The following DOCK4 variants were observed in gnomAD, a reference collection of about 807,000 sequenced individuals.
The protein encoded by DOCK4 is dedicator of cytokinesis protein 4.
DOCK4 carries 97 observed loss-of-function variants against 268.1 expected under a neutral mutation model. The ratio of observed to expected loss-of-function variants is 0.36; its 90% CI spans 0.31 to 0.43. The LOEUF (loss-of-function observed/expected upper bound fraction) is 0.43, where lower values mean the gene tolerates loss of function less well. Among genes scored for constraint, DOCK4 ranks in the 20% least tolerant of loss-of-function variants. The probability of loss-of-function intolerance (pLI) is 1.00; values close to 1 mark genes in which losing one functional copy is unlikely to be tolerated. For synonymous variants in DOCK4, 954 were observed against 887.2 expected (o/e 1.08, Z -1.34); for missense variants, 2,145 against 2,455.7 (o/e 0.87, Z 2.67).
At chr7:111,875,991 AAAT>A (rs1256626724) in intron 17 of DOCK4, among the ~76,000 whole-genome samples, 1 of 152,166 alleles carries the variant, frequency 6.6e-6, no homozygotes, top group Admixed American at 6.5e-5. Flanking sequence ...GAATAAATAA[AAAT>A]TTCTGTTTAA....
chr7:111,809,173 C>G, intron 29 of DOCK4, 128 bp downstream of exon 29: 1 of 789,238 alleles, frequency 1.3e-6, no homozygotes, highest in Non-Finnish European at 2.0e-6. Context: ...AAGACTGCTT[C>G]TTGACCCCTT....
intron 8 of DOCK4, among the ~76,000 whole-genome samples, chr7:111,972,940 AC>A (rs924144482): frequency 9.3e-5 from 14 of 149,952 alleles, no homozygotes; most frequent in Admixed American, 6.0e-4. Context: ...ATCTCTAATC[AC>A]CCTCCCACCC....
intron 22 of DOCK4, among the ~76,000 whole-genome samples, chr7:111,865,827 G>A (rs1334501718): frequency 6.6e-6 from 1 of 152,212 alleles, no homozygotes; most frequent in Non-Finnish European, 1.5e-5. Context: ...GCAGCCATGT[G>A]CCAAGGACTG....
At chr7:111,943,410 G>A (rs1373195680) in intron 10 of DOCK4, among the ~76,000 whole-genome samples, 1 of 152,132 alleles carries the variant, frequency 6.6e-6, no homozygotes, top group Non-Finnish European at 1.5e-5. Flanking sequence ...TAGATATCTT[G>A]GAGAAAGTTC....
chr7:111,794,313 G>A (rs924541958), intron 30 of DOCK4, among the ~76,000 whole-genome samples: 2 of 152,192 alleles, frequency 1.3e-5, no homozygotes, highest in Non-Finnish European at 2.9e-5. Flanking sequence ...TCTAGCAGGT[G>A]TCAAAGAGCC....
In DOCK4 at chr7:111,901,649, G is replaced by A. The variant is rs774044772; in HGVS notation, c.1317+28C>T. 3.7e-6 allele frequency: 6 copies of A among 1,609,798 alleles called. No homozygotes were observed. In the South Asian group the frequency reaches 6.6e-5, roughly 18 times the overall value. On this transcript the variant is annotated intron_variant, in intron 14 of 52. Transcript: ENST00000428084. ...TGAAAGCAATTATACAGACTTGTTT[G>A]ACCTGGAAATATCAAGTATTAACAT...
At chr7:112,103,931 A>G (rs2135825597) in intron 1 of DOCK4, among the ~76,000 whole-genome samples, 1 of 152,256 alleles carries the variant, frequency 6.6e-6, no homozygotes, top group South Asian at 2.1e-4. Context: ...CTTTAATAAG[A>G]ATAATCCTCA....
At chr7:111,889,958 G>C (rs1482332670) in intron 16 of DOCK4, among the ~76,000 whole-genome samples, 1 of 152,186 alleles carries the variant, frequency 6.6e-6, no homozygotes, top group African/African-American at 2.4e-5. Context: ...ACAATCAACA[G>C]TGATGAATTT....
intron 1 of DOCK4, among the ~76,000 whole-genome samples, chr7:112,153,394 G>A (rs1816286275): frequency 6.6e-6 from 1 of 152,128 alleles, no homozygotes; most frequent in Non-Finnish European, 1.5e-5. Context: ...ATTAAATTTA[G>A]TTCCATGTCC....
At chr7:111,873,129 A>T (rs1193042924) in intron 17 of DOCK4, among the ~76,000 whole-genome samples, 2 of 152,224 alleles carry the variant, frequency 1.3e-5, no homozygotes, top group Admixed American at 6.5e-5. Flanking sequence ...TAGATCATCC[A>T]GGGAGCTCTC....
intron 8 of DOCK4, among the ~76,000 whole-genome samples, chr7:111,948,020 G>A (rs1303642057): frequency 6.6e-6 from 1 of 152,118 alleles, no homozygotes; most frequent in African/African-American, 2.4e-5. Context: ...GGGCTACCAG[G>A]CCTGGACTAT....
At chr7:112,140,877 C>G (rs755934312) in intron 1 of DOCK4, among the ~76,000 whole-genome samples, 17 of 152,176 alleles carry the variant, frequency 1.1e-4, no homozygotes, top group Non-Finnish European at 1.5e-4. Flanking sequence ...GTTTTCAGAA[C>G]CTGCATTCAC....
Position 111,935,533 on chromosome 7 carries a change from C to T in DOCK4, c.1066+7G>A, listed in dbSNP as rs1302580551. On this transcript the variant is annotated splice_region_variant and intron_variant, in intron 12 of 52. Coordinates refer to ENST00000428084, the MANE Select transcript of DOCK4 (RefSeq NM_001363540.2). ...TGTAGGGAAAGTCAGCCAGCCCATA[C>T]ACTCACCTGCATTGGAGCCAGTCAA... The T allele has an allele frequency of 3.7e-6, 6 of 1,612,200 alleles. No individual in the cohort carries two copies. Among genetic ancestry groups the T allele is most frequent in the Middle Eastern group, 3.3e-4 (2 of 6,054 alleles).
At chr7:112,165,111 G>A (rs1405795553) in intron 1 of DOCK4, among the ~76,000 whole-genome samples, 1 of 152,122 alleles carries the variant, frequency 6.6e-6, no homozygotes, top group Admixed American at 6.6e-5. Flanking sequence ...ATGTGTACAA[G>A]TTTATGGGGT....
chr7:111,756,670 A>G (rs1432745069), intron 41 of DOCK4, among the ~76,000 whole-genome samples: 1 of 152,042 alleles, frequency 6.6e-6, no homozygotes, highest in Admixed American at 6.6e-5. Flanking sequence ...TCTACGCCTC[A>G]TCTTTCTTAC....
chr7:111,763,422 A>G (rs183850493), intron 39 of DOCK4, among the ~76,000 whole-genome samples: 2 of 152,322 alleles, frequency 1.3e-5, no homozygotes, highest in East Asian at 3.9e-4. Context: ...TGCCATTTAT[A>G]CCCAGGAAAG....
intron 7 of DOCK4, among the ~76,000 whole-genome samples, chr7:111,977,830 G>C (rs962420209): frequency 6.6e-6 from 1 of 152,208 alleles, no homozygotes; most frequent in African/African-American, 2.4e-5. Flanking sequence ...GCAAATAATA[G>C]TTTCTAACTT....
At chr7:111,881,182 G>A (rs575596099) in intron 16 of DOCK4, among the ~76,000 whole-genome samples, 1 of 152,086 alleles carries the variant, frequency 6.6e-6, no homozygotes, top group Non-Finnish European at 1.5e-5. Flanking sequence ...TATTTGATGA[G>A]GGATTAATAA....
intron 42 of DOCK4, among the ~76,000 whole-genome samples, chr7:111,750,354 C>T (rs1426163732): frequency 2.0e-5 from 3 of 152,120 alleles, no homozygotes; most frequent in Non-Finnish European, 4.4e-5. Flanking sequence ...ATGTTATCTA[C>T]AGAATGCCCT....
Sources: allele counts gnomAD v4.1 joint callset (sites outside exome capture counted in the v4.1 genomes callset), GRCh38; gene constraint gnomAD v4.1.1; transcripts MANE v1.5; gene names NCBI Gene and HGNC (gene_info 2026-07-23, HGNC 2026-07-21).